The following SMARCC1 variants were observed in gnomAD, a reference collection of about 807,000 sequenced individuals.
SMARCC1 encodes SWI/SNF complex subunit SMARCC1.
SMARCC1 carries 43 observed loss-of-function variants against 147.4 expected under a neutral mutation model. The observed-to-expected ratio is 0.29, with a 90% confidence interval of 0.23 to 0.38. The LOEUF is 0.38. Ranked by LOEUF, SMARCC1 falls within the 10% of genes least tolerant of loss-of-function variation. The pLI is 1.00. For synonymous variants in SMARCC1, 495 were observed against 484.4 expected (o/e 1.02, Z -0.29); for missense variants, 1,119 against 1,381.1 (o/e 0.81, Z 3.01).
At chr3:47,687,637 T>G (rs1303201126) in intron 13 of SMARCC1, among the ~76,000 whole-genome samples, 1 of 152,194 alleles carries the variant, frequency 6.6e-6, no homozygotes, top group Non-Finnish European at 1.5e-5. Context: ...CAAGCTAATC[T>G]TTTAAGTTTT....
At chr3:47,741,427 A>G (rs1254479169) in intron 3 of SMARCC1, among the ~76,000 whole-genome samples, 1 of 77,620 alleles carries the variant, frequency 1.3e-5, no homozygotes, top group Non-Finnish European at 3.3e-5. Context: ...CACTTTCTAA[A>G]ATCCTATTTG....
intron 26 of SMARCC1, among the ~76,000 whole-genome samples, chr3:47,607,974 C>CA (rs1019394934): frequency 1.3e-5 from 2 of 152,078 alleles, no homozygotes; most frequent in Admixed American, 6.5e-5. Flanking sequence ...AAAATATACA[C>CA]AAAAAAACCC....
chr3:47,594,307 G>A (rs752448336), intron 26 of SMARCC1, among the ~76,000 whole-genome samples: 10 of 152,186 alleles, frequency 6.6e-5, no homozygotes, highest in African/African-American at 2.4e-4. Flanking sequence ...ATAATGTAAC[G>A]CAAAGCCTAG....
intron 1 of SMARCC1, among the ~76,000 whole-genome samples, chr3:47,778,751 G>A (rs1185503901): frequency 6.6e-6 from 1 of 152,154 alleles, no homozygotes; most frequent in Admixed American, 6.6e-5. Flanking sequence ...CCTGCACTTT[G>A]GGAGGCTGAG....
chr3:47,683,212 T>C (rs1335055051), intron 14 of SMARCC1, among the ~76,000 whole-genome samples: 1 of 152,058 alleles, frequency 6.6e-6, no homozygotes, highest in Non-Finnish European at 1.5e-5. Context: ...CCGGCTCATT[T>C]TTTTTTCGTA....
At chr3:47,716,415 CAAAAAAAAAAAAA>C (rs776727634) in intron 7 of SMARCC1, among the ~76,000 whole-genome samples, 1 of 51,946 alleles carries the variant, frequency 1.9e-5, no homozygotes, top group African/African-American at 7.4e-5. Flanking sequence ...GACTCCATCT[CAAAAAAAAAAAAA>C]AAAAAAAAAA....
chr3:47,759,098 C>T (rs184326582), intron 2 of SMARCC1, among the ~76,000 whole-genome samples: 3 of 152,036 alleles, frequency 2.0e-5, no homozygotes, highest in African/African-American at 7.2e-5. Context: ...CTACAACCTT[C>T]GCCACCTGGC....
intron 11 of SMARCC1, among the ~76,000 whole-genome samples, chr3:47,699,582 C>T (rs1559648511): frequency 1.3e-5 from 2 of 151,832 alleles, no homozygotes; most frequent in African/African-American, 2.4e-5. Context: ...GTATATTGCC[C>T]TATATGTCTA....
At chr3:47,699,599 T>C (rs891334487) in intron 11 of SMARCC1, among the ~76,000 whole-genome samples, 1 of 152,046 alleles carries the variant, frequency 6.6e-6, no homozygotes. Flanking sequence ...TCTATACATA[T>C]GTATATTGCT....
intron 12 of SMARCC1, among the ~76,000 whole-genome samples, chr3:47,690,978 T>C (rs779578210): frequency 6.6e-6 from 1 of 152,188 alleles, no homozygotes; most frequent in Non-Finnish European, 1.5e-5. Context: ...TGGTAAACCA[T>C]AGCATAACCA....
chr3:47,746,388 G>A, intron 2 of SMARCC1: 1 of 157,290 alleles, frequency 6.4e-6, no homozygotes, highest in Non-Finnish European at 1.4e-5. Flanking sequence ...TGAGCCTGCG[G>A]TGAGCCCTGA....
intron 12 of SMARCC1, among the ~76,000 whole-genome samples, chr3:47,692,847 G>C (rs533266252): frequency 6.6e-6 from 1 of 152,058 alleles, no homozygotes; most frequent in Non-Finnish European, 1.5e-5. Flanking sequence ...GTGAAACCCC[G>C]TCTCTACTAA....
intron 21 of SMARCC1, among the ~76,000 whole-genome samples, chr3:47,660,805 G>A (rs1430475195): frequency 6.6e-6 from 1 of 152,086 alleles, no homozygotes; most frequent in African/African-American, 2.4e-5. Flanking sequence ...ATTAGATAGT[G>A]GTGATAGACA....
At chr3:47,597,663 A>G (rs577005387) in intron 26 of SMARCC1, among the ~76,000 whole-genome samples, 1 of 151,736 alleles carries the variant, frequency 6.6e-6, no homozygotes, top group East Asian at 2.0e-4. Context: ...GGGCCTTGCT[A>G]TGTTGCCCAG....
At chr3:47,607,461 C>T (rs145634109) in intron 26 of SMARCC1, among the ~76,000 whole-genome samples, 3 of 152,286 alleles carry the variant, frequency 2.0e-5, no homozygotes, top group East Asian at 3.9e-4. Flanking sequence ...CAAACTTTGG[C>T]TCTAAGCACT....
At chr3:47,728,565 A>G (rs2034329097) in intron 6 of SMARCC1, among the ~76,000 whole-genome samples, 1 of 152,156 alleles carries the variant, frequency 6.6e-6, no homozygotes, top group African/African-American at 2.4e-5. Context: ...CTTTCCTAAT[A>G]TAAAGAAATA....
At chr3:47,745,807 C>T (rs2034558483) in intron 3 of SMARCC1, 101 bp downstream of exon 3, 1 of 637,268 alleles carries the variant, frequency 1.6e-6, no homozygotes, top group Admixed American at 3.1e-5. Flanking sequence ...TGGTAAAACA[C>T]ATTAATCATC....
intron 3 of SMARCC1, among the ~76,000 whole-genome samples, chr3:47,745,126 G>C (rs999514056): frequency 2.6e-5 from 4 of 152,064 alleles, no homozygotes; most frequent in Non-Finnish European, 5.9e-5. Flanking sequence ...AAATTAGCTG[G>C]GCATGTGGTG....
intron 21 of SMARCC1, among the ~76,000 whole-genome samples, chr3:47,641,357 A>T (rs1030647787): frequency 7.2e-5 from 11 of 152,134 alleles, no homozygotes. Context: ...CATGGTGATG[A>T]GCACCTGGTC....
Sources: allele counts gnomAD v4.1 joint callset (sites outside exome capture counted in the v4.1 genomes callset), GRCh38; gene constraint gnomAD v4.1.1; transcripts MANE v1.5; gene names NCBI Gene and HGNC (gene_info 2026-07-23, HGNC 2026-07-21).